Variants in GRM7 observed in about 807,000 individuals in gnomAD.
GRM7 encodes the protein glutamate metabotropic receptor 7.
A neutral mutation model predicts 84.5 loss-of-function variants in GRM7; 35 were observed. The ratio of observed to expected loss-of-function variants is 0.41; its 90% confidence interval spans 0.32 to 0.55. The LOEUF is 0.55. Among genes scored for constraint, GRM7 ranks in the 20% least tolerant of loss-of-function variants. GRM7 has a pLI of 0.19. For synonymous variants in GRM7, 487 were observed against 455.1 expected (o/e 1.07, Z -0.89); for missense variants, 1,003 against 1,194.6 (o/e 0.84, Z 2.36).
rs1268678554 is a variant in GRM7, at chr3:7,579,115, A to G, written c.2209A>G (p.Thr737Ala). Residue 737 changes from threonine (T) to alanine (A), a missense_variant, in exon 8 of 10, where the codon ACA becomes GCA. Physicochemically the swap from Thr to Ala is moderately conservative, Grantham distance 58. Coordinates refer to ENST00000357716, the MANE Select transcript of GRM7 (RefSeq NM_000844.4). ...NIIIDYDEHK[T>A]MNPEQARGVL... ...CATCATAGACTATGATGAACACAAGACAATGAACCCTGAGCAAGCCAGAGG... is the reference window on the plus strand; with the variant it reads ...CATCATAGACTATGATGAACACAAGGCAATGAACCCTGAGCAAGCCAGAGG... 1 of 1,613,984 alleles carries G rather than the reference A, an allele frequency of 6.2e-7. No individual in the cohort carries two copies. Among genetic ancestry groups the G allele is most frequent in the Admixed American group, 1.7e-5 (1 of 60,022 alleles).
chr3:7,065,846 G>T (rs1227835722), intron 1 of GRM7, among the ~76,000 whole-genome samples: 1 of 151,532 alleles, frequency 6.6e-6, no homozygotes, highest in Non-Finnish European at 1.5e-5. Flanking sequence ...AGACCACAGT[G>T]GAATACAACT....
At chr3:6,939,914 G>GATAATATA (rs1377617474) in intron 1 of GRM7, among the ~76,000 whole-genome samples, 29 of 152,104 alleles carry the variant, frequency 1.9e-4, no homozygotes, top group African/African-American at 6.8e-4. Context: ...TTTACAAAAT[G>GATAATATA]ATAATATTCA....
chr3:7,116,512 T>A (rs1402806241), intron 1 of GRM7, among the ~76,000 whole-genome samples: 1 of 152,070 alleles, frequency 6.6e-6, no homozygotes, highest in Non-Finnish European at 1.5e-5. Flanking sequence ...AGTCACATAC[T>A]GTCTGTCTCT....
chr3:7,412,557 T>C (rs1464585942), intron 4 of GRM7, among the ~76,000 whole-genome samples: 1 of 152,168 alleles, frequency 6.6e-6, no homozygotes, highest in Non-Finnish European at 1.5e-5. Flanking sequence ...AAGGGGTGTT[T>C]GAGGGCAGCA....
chr3:7,081,908 G>A (rs1559426836), intron 1 of GRM7, among the ~76,000 whole-genome samples: 2 of 152,092 alleles, frequency 1.3e-5, no homozygotes. Context: ...AAGGCTGAAA[G>A]AAGTGAGAGA....
intron 8 of GRM7, among the ~76,000 whole-genome samples, chr3:7,584,537 C>A (rs1487308229): frequency 6.6e-6 from 1 of 152,112 alleles, no homozygotes; most frequent in Non-Finnish European, 1.5e-5. Context: ...TCTCCTTGAA[C>A]CTATGAAGAG....
At chr3:7,228,005 C>A (rs763932826) in intron 2 of GRM7, among the ~76,000 whole-genome samples, 1 of 152,146 alleles carries the variant, frequency 6.6e-6, no homozygotes, top group Admixed American at 6.5e-5. Context: ...CAGAATATAA[C>A]CAGAAAGTTA....
intron 2 of GRM7, among the ~76,000 whole-genome samples, chr3:7,265,028 A>G (rs1041779500): frequency 4.6e-4 from 70 of 152,352 alleles, no homozygotes; most frequent in African/African-American, 1.5e-3. Flanking sequence ...TCAAAGTTAC[A>G]TTTCAAATCA....
At chr3:7,521,745 G>A (rs1384822158) in intron 7 of GRM7, among the ~76,000 whole-genome samples, 2 of 152,124 alleles carry the variant, frequency 1.3e-5, no homozygotes, top group Admixed American at 6.5e-5. Context: ...TCTCAGGTCT[G>A]CCTCTCAGAT....
At position 6,884,781 on chromosome 3, in the gene GRM7, G is replaced by T. The variant is rs556783542; in HGVS notation, c.519+22874G>T. Among the ~76,000 whole-genome samples the T allele has an allele frequency of 3.9e-5, 6 of 152,118 alleles. No homozygotes were observed. The South Asian group carries it at 1.2e-3, about 32-fold the overall frequency. On this transcript the variant is annotated intron_variant, in intron 1 of 9. Transcript: ENST00000357716. ...CACCTGGCTGATTTTTGTATTTTAA[G>T]TAGAGACAGGGTTTCACCATGTTAT...
chr3:6,985,396 T>C (rs1327237629), intron 1 of GRM7, among the ~76,000 whole-genome samples: 2 of 152,152 alleles, frequency 1.3e-5, no homozygotes, highest in African/African-American at 2.4e-5. Flanking sequence ...TTCTACTCTC[T>C]GTATTGATGA....
intron 4 of GRM7, among the ~76,000 whole-genome samples, chr3:7,408,111 C>T (rs991671128): frequency 2.6e-5 from 4 of 152,142 alleles, no homozygotes; most frequent in Non-Finnish European, 4.4e-5. Context: ...TAGTAAGTGT[C>T]GAAGCTAGGA....
chr3:7,217,752 T>A (rs1022344927), intron 2 of GRM7, among the ~76,000 whole-genome samples: 1 of 150,328 alleles, frequency 6.7e-6, no homozygotes, highest in Non-Finnish European at 1.5e-5. Context: ...TAAAACATTT[T>A]AAAATTCTTA....
chr3:6,893,949 A>G (rs1696070080), intron 1 of GRM7: 1 of 152,160 alleles, frequency 6.6e-6, no homozygotes, highest in Non-Finnish European at 1.5e-5. Flanking sequence ...ATTTTCTATT[A>G]AATTGTTCAT....
chr3:7,669,124 T>C (rs1699822737), intron 8 of GRM7, among the ~76,000 whole-genome samples: 1 of 152,214 alleles, frequency 6.6e-6, no homozygotes, highest in South Asian at 2.1e-4. Context: ...GTACAATATA[T>C]AGAACATATG....
intron 2 of GRM7, among the ~76,000 whole-genome samples, chr3:7,292,477 A>G (rs1402678169): frequency 6.6e-6 from 1 of 152,128 alleles, no homozygotes; most frequent in African/African-American, 2.4e-5. Context: ...TGAGTTATTT[A>G]ACTTCAGAAT....
chr3:7,113,678 T>G (rs1692935968), intron 1 of GRM7, among the ~76,000 whole-genome samples: 1 of 152,172 alleles, frequency 6.6e-6, no homozygotes. Context: ...GTCATTGTTG[T>G]TCTTCATGGC....
chr3:7,365,657 A>ACTTCCTG, intron 4 of GRM7, among the ~76,000 whole-genome samples: 1 of 145,250 alleles, frequency 6.9e-6, no homozygotes, highest in South Asian at 2.2e-4. Context: ...GTATATATAT[A>ACTTCCTG]TATATATACA....
At chr3:7,732,897 C>T (rs1465083881) in intron 9 of GRM7, among the ~76,000 whole-genome samples, 11 of 152,246 alleles carry the variant, frequency 7.2e-5, no homozygotes, top group Admixed American at 1.3e-4. Context: ...CCCCAAGGGC[C>T]GCTGGTTGCC....
Sources: gnomAD v4.1 joint callset for allele counts (sites outside exome capture counted in the v4.1 genomes callset) on GRCh38, gnomAD v4.1.1 for gene constraint, MANE v1.5 for transcripts, NCBI Gene and HGNC (gene_info 2026-07-23, HGNC 2026-07-21) for gene names.